The following VAV3 variants were observed in gnomAD, a reference collection of about 807,000 sequenced individuals.
The protein encoded by VAV3 is vav guanine nucleotide exchange factor 3.
In VAV3, 94 loss-of-function variants were observed where a neutral mutation model predicts 131.2. The ratio of observed to expected loss-of-function variants is 0.72; its 90% CI spans 0.61 to 0.85. VAV3 has a LOEUF of 0.85. Among genes scored for constraint, VAV3 ranks in the 40% least tolerant of loss-of-function variants. The pLI is 0.00. For missense variants in VAV3, 939 were observed against 1,002.7 expected (o/e 0.94, Z 0.86); for synonymous variants, 349 against 342.0 (o/e 1.02, Z -0.22).
intron 25 of VAV3, among the ~76,000 whole-genome samples, chr1:107,594,998 C>G (rs994943859): frequency 6.6e-6 from 1 of 152,116 alleles, no homozygotes; most frequent in Non-Finnish European, 1.5e-5. Context: ...ATAGCTTCAA[C>G]AGAGTTTTAA....
intron 15 of VAV3, among the ~76,000 whole-genome samples, chr1:107,746,527 C>T (rs934759298): frequency 6.6e-6 from 1 of 152,094 alleles, no homozygotes; most frequent in Non-Finnish European, 1.5e-5. Context: ...CCGTACATAC[C>T]CCTATATGTA....
At position 107,574,220 on chromosome 1, in the gene VAV3, T is replaced by C. The variant is rs764466034; in HGVS notation, c.2351-22A>G. 5.0e-6 allele frequency: 8 copies of C among 1,609,356 alleles called. No homozygotes were observed. In the South Asian group the frequency reaches 5.5e-5, roughly 11 times the overall value. On this transcript the variant is annotated intron_variant, in intron 25 of 26. Transcript: ENST00000370056. ...AACACTGTCAAGAAATGACAAGCAA[T>C]GACAGTAGGTTTGCAGTTCGTTAAC...
At chr1:107,803,602 T>C (rs530339585) in intron 2 of VAV3, among the ~76,000 whole-genome samples, 1 of 152,190 alleles carries the variant, frequency 6.6e-6, no homozygotes, top group South Asian at 2.1e-4. Context: ...TATTTCATTG[T>C]GGTAAAAAAA....
At chr1:107,775,577 CAAAAAAAAA>C (rs34775096) in intron 4 of VAV3, among the ~76,000 whole-genome samples, 6 of 56,446 alleles carry the variant, frequency 1.1e-4, no homozygotes, top group Admixed American at 3.3e-4. Flanking sequence ...GACTCAGTCA[CAAAAAAAAA>C]AAAAAAAAAA....
chr1:107,916,269 A>G (rs1672615956), intron 1 of VAV3, among the ~76,000 whole-genome samples: 1 of 152,228 alleles, frequency 6.6e-6, no homozygotes, highest in Non-Finnish European at 1.5e-5. Context: ...CACTGGTAAG[A>G]ATAGAAGCAT....
chr1:107,867,625 G>C (rs1670059955), intron 2 of VAV3, among the ~76,000 whole-genome samples: 1 of 152,170 alleles, frequency 6.6e-6, no homozygotes, highest in Non-Finnish European at 1.5e-5. Context: ...AATCACTGCA[G>C]AGCTCCCCCT....
At chr1:107,590,736 A>G (rs542115479) in intron 25 of VAV3, among the ~76,000 whole-genome samples, 14 of 152,178 alleles carry the variant, frequency 9.2e-5, no homozygotes, top group African/African-American at 2.6e-4. Context: ...TACTAATTTG[A>G]TTTCAAATCC....
chr1:107,790,509 G>C (rs972985173), intron 2 of VAV3, among the ~76,000 whole-genome samples: 1 of 152,186 alleles, frequency 6.6e-6, no homozygotes, highest in African/African-American at 2.4e-5. Flanking sequence ...CAGAGGAGAG[G>C]AGAAGAAGGA....
intron 15 of VAV3, among the ~76,000 whole-genome samples, chr1:107,740,162 C>T (rs1189707413): frequency 6.6e-6 from 1 of 152,072 alleles, no homozygotes; most frequent in Admixed American, 6.6e-5. Flanking sequence ...TGTTGCGTGC[C>T]TATAATCACA....
chr1:107,695,765 G>C (rs1440568248), intron 17 of VAV3, among the ~76,000 whole-genome samples: 1 of 152,172 alleles, frequency 6.6e-6, no homozygotes, highest in Non-Finnish European at 1.5e-5. Flanking sequence ...ATGATGGGTT[G>C]TGAAGGATAG....
At position 107,777,564 on chromosome 1, in the gene VAV3, G is replaced by T. The variant is rs1215899686; in HGVS notation, c.381-268C>A. 8 of 492,798 alleles carry T rather than the reference G, an allele frequency of 1.6e-5. No individual in the cohort carries two copies. The East Asian group carries it at 2.2e-4, about 13-fold the overall frequency. The allele number at this position is 492,798 out of a possible 1,614,324, so 30.5% of individuals were successfully genotyped here. A position where few individuals can be genotyped will look rare whatever the true frequency, so the allele number is the denominator to read the frequency against. On this transcript the variant is annotated intron_variant, in intron 3 of 26. Coordinates refer to ENST00000370056, the MANE Select transcript of VAV3 (RefSeq NM_006113.5). ...TGGTCACCACAGTCACATGTGCAGGGGGTCATAATAACGTGCTTATCTGAT... is the reference window on the plus strand; with the variant it reads ...TGGTCACCACAGTCACATGTGCAGGTGGTCATAATAACGTGCTTATCTGAT...
At chr1:107,757,358 T>C (rs757696189) in intron 10 of VAV3, 29 bp from the exon 11 acceptor site, 7 of 1,561,584 alleles carry the variant, frequency 4.5e-6, no homozygotes, top group Middle Eastern at 1.7e-4. Flanking sequence ...TTAGTACTAC[T>C]TTCATCAAAT....
chr1:107,578,710 G>A (rs1053336746), intron 25 of VAV3: 70 of 942,298 alleles, frequency 7.4e-5, no homozygotes, highest in Middle Eastern at 5.4e-4. Context: ...CCGGGTTCAC[G>A]CCATTCTCCT....
intron 19 of VAV3, among the ~76,000 whole-genome samples, chr1:107,648,010 C>T (rs1178523623): frequency 6.6e-6 from 1 of 151,924 alleles, no homozygotes; most frequent in African/African-American, 2.4e-5. Flanking sequence ...GTAAAAGGAA[C>T]CACGGCATAG....
chr1:107,685,060 G>A (rs564361797), intron 18 of VAV3, among the ~76,000 whole-genome samples: 17 of 151,384 alleles, frequency 1.1e-4, no homozygotes, highest in African/African-American at 3.4e-4. Context: ...AAAGTACTAG[G>A]AAGGCAAAAA....
chr1:107,920,960 CTTA>C (rs968213183), intron 1 of VAV3, among the ~76,000 whole-genome samples: 7 of 152,154 alleles, frequency 4.6e-5, no homozygotes, highest in Admixed American at 3.9e-4. Flanking sequence ...TAAAATAAAA[CTTA>C]TTAGTATTTT....
In VAV3 at chr1:107,787,903, G is replaced by A. The variant is rs189454209; in HGVS notation, c.322-8411C>T. Among the ~76,000 whole-genome samples, 8 of 152,096 alleles carry A rather than the reference G, an allele frequency of 5.3e-5. 1 individual carries two copies. In the East Asian group the frequency reaches 1.4e-3, roughly 26 times the overall value. ...ACTCTGCCTCTGAAGACCCCAAACAGAGCATCTTTTCCTCCTAGCCTGCTT... is the reference window on the plus strand; with the variant it reads ...ACTCTGCCTCTGAAGACCCCAAACAAAGCATCTTTTCCTCCTAGCCTGCTT... On this transcript the variant is annotated intron_variant, in intron 2 of 26. Coordinates refer to ENST00000370056, the MANE Select transcript of VAV3 (RefSeq NM_006113.5).
At chr1:107,957,439 T>C (rs1571192928) in intron 1 of VAV3, among the ~76,000 whole-genome samples, 1 of 152,090 alleles carries the variant, frequency 6.6e-6, no homozygotes, top group Admixed American at 6.5e-5. Flanking sequence ...TTCATACCTA[T>C]GGAGCCACTG....
intron 2 of VAV3, among the ~76,000 whole-genome samples, chr1:107,850,076 G>A (rs1473886845): frequency 6.6e-6 from 1 of 152,134 alleles, no homozygotes; most frequent in Non-Finnish European, 1.5e-5. Context: ...AACAACAGAT[G>A]CTGGAGAGGA....
Sources: allele counts gnomAD v4.1 joint callset (sites outside exome capture counted in the v4.1 genomes callset), GRCh38; gene constraint gnomAD v4.1.1; transcripts MANE v1.5; gene names NCBI Gene and HGNC (gene_info 2026-07-23, HGNC 2026-07-21).